Variants in ALOX12B observed in about 807,000 individuals in gnomAD.
ALOX12B encodes arachidonate 12-lipoxygenase, 12R-type.
Under a neutral mutation model 78.9 loss-of-function variants are expected in ALOX12B, and 47 were observed. The observed-to-expected ratio is 0.60, with a 90% CI of 0.47 to 0.76. The LOEUF (loss-of-function observed/expected upper bound fraction) is 0.76. Among genes scored for constraint, ALOX12B ranks in the 30% least tolerant of loss-of-function variants. The pLI, the probability that ALOX12B is intolerant of heterozygous loss-of-function variation, is 0.00. For missense variants in ALOX12B, 805 were observed against 922.6 expected (o/e 0.87, Z 1.65); for synonymous variants, 370 against 374.5 (o/e 0.99, Z 0.14).
rs760089048 is a variant in ALOX12B, at chr17:8,076,267, G to A, written c.1440C>T (p.Tyr480=). The part of the protein sequence containing the change: ...ALSELTYDSL[Y]LPNDFVERGV... ...CACGCTCCACAAAGTCATTGGGGAG[G>A]TAGAGGCTGTCATAGGTGAGCTCCG... The change falls in exon 11 of 15, where the codon TAC becomes TAT. Residue 480 remains tyrosine (Y), a synonymous_variant. Transcript: ENST00000647874. 31 of 1,613,958 alleles carry A rather than the reference G, an allele frequency of 1.9e-5. No individual in the cohort carries two copies. In the Admixed American group the frequency reaches 4.0e-4, roughly 21 times the overall value.
chr17:8,075,795 G>A (rs1024916872), intron 11 of ALOX12B, 79 bp from the exon 12 acceptor site: 5 of 1,612,356 alleles, frequency 3.1e-6, no homozygotes, highest in Non-Finnish European at 3.4e-6. Context: ...CTCCCCCAGG[G>A]TGCCCTGACC....
At position 8,079,805 on chromosome 17, in the gene ALOX12B, G is replaced by C; in HGVS notation, c.891C>G (p.Phe297Leu). The C allele has an allele frequency of 6.2e-7, 1 of 1,613,358 alleles. No homozygotes were observed. ...CTTGCAAGCACGTTCCCTCGCCCAGGAACGGAGCCACCATGTCGTCTGTGA... is the reference window on the plus strand; with the variant it reads ...CTTGCAAGCACGTTCCCTCGCCCAGCAACGGAGCCACCATGTCGTCTGTGA... ...FPVTDDMVAP[F>L]LGEGTCLQAE... The change falls in exon 7 of 15, where the codon TTC becomes TTG. Residue 297 changes from phenylalanine to leucine, a missense_variant. Transcript: ENST00000647874. This position sits in a 1 kb window ranked among gnomAD's most constrained non-coding sequence, Gnocchi z 6.4.
chr17:8,085,972 G>C (rs1237608793), intron 2 of ALOX12B, 44 bp downstream of exon 2: 1 of 1,604,622 alleles, frequency 6.2e-7, no homozygotes, highest in Non-Finnish European at 8.5e-7. Flanking sequence ...GCTGGAGCTA[G>C]AGGCCTCACG....
Position 8,087,217 on chromosome 17 carries a change from GACACACACAGACACACACAGAC to G in ALOX12B, c.147+57_147+78del, listed in dbSNP as rs1355550903. 54 of 1,520,608 alleles carry G rather than the reference GACACACACAGACACACACAGAC, an allele frequency of 3.6e-5. No homozygotes were observed. The African/African-American group carries it at 4.7e-4, about 13-fold the overall frequency. 94.2% of individuals were successfully genotyped at this position (1,520,608 alleles called of 1,614,324 possible). On this transcript the variant is annotated intron_variant, in intron 1 of 14. Transcript: ENST00000647874. ...CCTCCCGGGGCCACAAAGACACACA[GACACACACAGACACACACAGAC>G]ACACACACACACACACACAGACACA...
At chr17:8,085,909 G>A in intron 2 of ALOX12B, 107 bp downstream of exon 2, 1 of 1,345,084 alleles carries the variant, frequency 7.4e-7, no homozygotes, top group Non-Finnish European at 1.1e-6. Context: ...CCCTGGTGGG[G>A]CTGGGCCCCC....
At chr17:8,087,249 C>CACAG (rs1555644066) in intron 1 of ALOX12B, 47 bp downstream of exon 1, 34 of 1,032,720 alleles carry the variant, frequency 3.3e-5, no homozygotes, top group South Asian at 1.9e-4. Context: ...CACACACACA[C>CACAG]ACACACACAG....
intron 3 of ALOX12B, 57 bp downstream of exon 3, chr17:8,081,049 C>A (rs984438359): frequency 1.2e-6 from 2 of 1,611,210 alleles, no homozygotes; most frequent in Admixed American, 1.7e-5. Flanking sequence ...GCCATCACTG[C>A]CCCCCACCTC....
Position 8,072,904 on chromosome 17 carries a change from G to T in ALOX12B, c.1973C>A (p.Pro658Gln), listed in dbSNP as rs748339571. The stretch of plus-strand genomic sequence containing the variant: ...GCGGAACGCCTCTATGCTCCTCCGC[G>T]GGGCCTCCTCCACGAAGTGAATGTC... ...FPDIHFVEEA[P>Q]RRSIEAFRQR... The change falls in exon 15 of 15, where the codon CCG becomes CAG. Residue 658 changes from proline to glutamine, a missense_variant. By Grantham distance (76) the Pro-to-Gln change is moderately conservative (BLOSUM62 -1). Coordinates refer to ENST00000647874, the MANE Select transcript of ALOX12B (RefSeq NM_001139.3). The T allele has an allele frequency of 6.2e-7, 1 of 1,613,968 alleles. No individual in the cohort carries two copies. The highest frequency in any genetic ancestry group is 8.5e-7 in the Non-Finnish European group (1 of 1,179,952).
rs72842957 is a variant in ALOX12B, at chr17:8,081,161, G to C, written c.379C>G (p.Pro127Ala). The change falls in exon 3 of 15, where the codon CCC becomes GCC. Residue 127 changes from proline (P) to alanine (A), a missense_variant. Pro to Ala is a conservative substitution (Grantham distance 27, BLOSUM62 -1). Coordinates refer to ENST00000647874, the MANE Select transcript of ALOX12B (RefSeq NM_001139.3). Reference sequence around the variant, plus strand: ...TCTTTTCTGTGCTCCAGGAGGACGGGGAGCGAGTCATCTGCTGTTGTCTTT... The same window carrying C: ...TCTTTTCTGTGCTCCAGGAGGACGGCGAGCGAGTCATCTGCTGTTGTCTTT... ...TGKTTADDSL[P>A]VLLEHRKEEI... is the part of the protein sequence containing the mutation. 1.9e-6 allele frequency: 3 copies of C among 1,613,980 alleles called. No homozygotes were observed. The highest frequency in any genetic ancestry group is 1.1e-5 in the South Asian group (1 of 91,078).
At chr17:8,085,907 G>T in intron 2 of ALOX12B, 109 bp downstream of exon 2, 1 of 1,314,956 alleles carries the variant, frequency 7.6e-7, no homozygotes, top group African/African-American at 1.5e-5. Context: ...GTCCCTGGTG[G>T]GGCTGGGCCC....
At position 8,087,198 on chromosome 17, in the gene ALOX12B, G is replaced by A. The variant is rs945592673; in HGVS notation, c.147+98C>T. 4.0e-5 allele frequency: 61 copies of A among 1,540,984 alleles called. No homozygotes were observed. In the Middle Eastern group the frequency reaches 1.1e-3, roughly 29 times the overall value. ...CCCCCTGCGCACCTTCACCCCTCCC[G>A]GGGCCACAAAGACACACAGACACAC... On this transcript the variant is annotated intron_variant, in intron 1 of 14. Coordinates refer to ENST00000647874, the MANE Select transcript of ALOX12B (RefSeq NM_001139.3).
intron 11 of ALOX12B, 48 bp from the exon 12 acceptor site, chr17:8,075,764 C>A (rs773751211): frequency 6.2e-7 from 1 of 1,614,006 alleles, no homozygotes; most frequent in South Asian, 1.1e-5. Flanking sequence ...CCCTCCCACT[C>A]CTCAGCCAGG....
intron 8 of ALOX12B, among the ~76,000 whole-genome samples, chr17:8,077,622 CTCTGGCCCA>C (rs1387955674): frequency 6.6e-6 from 1 of 152,222 alleles, no homozygotes; most frequent in Admixed American, 6.5e-5. Context: ...GGCTCTGGGG[CTCTGGCCCA>C]TCCCCCCAGA....
At chr17:8,081,579 A>C in intron 2 of ALOX12B, 2 of 294,618 alleles carry the variant, frequency 6.8e-6, no homozygotes, top group South Asian at 3.8e-5. Context: ...ATTTCTCATC[A>C]TCCACCCCCT....
chr17:8,085,239 G>A (rs1405856951), intron 2 of ALOX12B, among the ~76,000 whole-genome samples: 1 of 151,612 alleles, frequency 6.6e-6, no homozygotes, highest in East Asian at 1.9e-4. Flanking sequence ...CCAGCACTTT[G>A]GGAGGCTGAG....
At chr17:8,076,560 G>T in intron 10 of ALOX12B, 97 bp downstream of exon 10, 1 of 1,417,268 alleles carries the variant, frequency 7.1e-7, no homozygotes, top group Non-Finnish European at 9.8e-7. Flanking sequence ...GCCCCCTCAT[G>T]ATGACCCAAA....
At chr17:8,085,365 T>C (rs1464187163) in intron 2 of ALOX12B, among the ~76,000 whole-genome samples, 1 of 152,168 alleles carries the variant, frequency 6.6e-6, no homozygotes, top group East Asian at 1.9e-4. Context: ...GAGAATCGCT[T>C]GAACCTGGGA....
At chr17:8,075,447 CTGTCAAAATCCT>C in intron 12 of ALOX12B, 136 bp downstream of exon 12, 1 of 1,297,792 alleles carries the variant, frequency 7.7e-7, no homozygotes, top group Non-Finnish European at 1.1e-6. Context: ...AGAGAAGAGC[CTGTCAAAATCCT>C]AGGGCAGCAA....
chr17:8,081,507 T>C, intron 2 of ALOX12B: 1 of 435,558 alleles, frequency 2.3e-6, no homozygotes, highest in East Asian at 5.1e-5. Flanking sequence ...ACATGCATAG[T>C]GGCCAAGTTA....
Sources: gnomAD v4.1 joint callset for allele counts (sites outside exome capture counted in the v4.1 genomes callset) on GRCh38, gnomAD v4.1.1 for gene constraint, Gnocchi (gnomAD v3.1) non-coding constraint, MANE v1.5 for transcripts, NCBI Gene and HGNC (gene_info 2026-07-23, HGNC 2026-07-21) for gene names.